The following ELAPOR2 variants were observed in gnomAD, a reference collection of about 807,000 sequenced individuals.
The protein encoded by ELAPOR2 is endosome/lysosome-associated apoptosis and autophagy regulator family member 2.
A neutral mutation model predicts 120.7 loss-of-function variants in ELAPOR2; 89 were observed. The observed-to-expected ratio is 0.74, with a 90% confidence interval of 0.62 to 0.88. ELAPOR2 has a LOEUF of 0.88. ELAPOR2 is among the 40% of genes least tolerant of loss of function. The pLI is 0.00. For missense variants in ELAPOR2, 1,134 were observed against 1,251.6 expected (o/e 0.91, Z 1.42); for synonymous variants, 444 against 444.9 (o/e 1.00, Z 0.03).
At chr7:87,050,603 CT>C (rs1426341215) in intron 1 of ELAPOR2, among the ~76,000 whole-genome samples, 1 of 152,154 alleles carries the variant, frequency 6.6e-6, no homozygotes, top group Non-Finnish European at 1.5e-5. Context: ...ATCTCAGGTA[CT>C]TTTTTTACAG....
intron 2 of ELAPOR2, among the ~76,000 whole-genome samples, chr7:86,953,076 A>G (rs574993975): frequency 1.5e-4 from 22 of 150,950 alleles, no homozygotes; most frequent in African/African-American, 5.4e-4. Flanking sequence ...AGCCTGGGCA[A>G]CAGAGCAAGC....
chr7:86,985,832 A>G (rs991950185), intron 1 of ELAPOR2, among the ~76,000 whole-genome samples: 18 of 148,742 alleles, frequency 1.2e-4, no homozygotes, highest in African/African-American at 3.2e-4. Flanking sequence ...CCCACCCCAC[A>G]ACAGGCCCCA....
intron 2 of ELAPOR2, among the ~76,000 whole-genome samples, chr7:86,949,514 GC>G (rs1368136262): frequency 2.0e-5 from 3 of 152,136 alleles, no homozygotes; most frequent in African/African-American, 7.2e-5. Context: ...GCTCTTGGGG[GC>G]CAGGAGCAGG....
At chr7:87,014,114 C>T (rs1021250707) in intron 1 of ELAPOR2, among the ~76,000 whole-genome samples, 3 of 145,714 alleles carry the variant, frequency 2.1e-5, no homozygotes, top group Non-Finnish European at 4.5e-5. Flanking sequence ...CTTTGATGTT[C>T]CTTACAGAGA....
intron 8 of ELAPOR2, among the ~76,000 whole-genome samples, chr7:86,930,556 G>T (rs1397951452): frequency 1.3e-5 from 2 of 151,862 alleles, no homozygotes; most frequent in South Asian, 4.1e-4. Flanking sequence ...AACACTGAAG[G>T]TCATTAAAAG....
Position 86,918,493 on chromosome 7 carries a change from T to C in ELAPOR2, c.1542A>G (p.Thr514=), listed in dbSNP as rs1195621149. Residue 514 remains threonine (T), a synonymous_variant, in exon 12 of 22, where the codon ACA becomes ACG. Coordinates refer to ENST00000450689, the MANE Select transcript of ELAPOR2 (RefSeq NM_001142749.3). ...GATGSELGRI[T]FVFETLCSAD... is the part of the protein sequence containing the mutation. Reference sequence around the variant, plus strand: ...CTGAACAGAGGGTCTCAAAGACAAATGTTATTCTTCCTAGTTCAGAACCCG... The same window carrying C: ...CTGAACAGAGGGTCTCAAAGACAAACGTTATTCTTCCTAGTTCAGAACCCG... 1.9e-6 allele frequency: 3 copies of C among 1,613,286 alleles called. No individual in the cohort carries two copies. Among genetic ancestry groups the C allele is most frequent in the African/African-American group, 2.7e-5 (2 of 74,836 alleles).
chr7:86,917,491 C>T (rs1043746158), intron 12 of ELAPOR2, among the ~76,000 whole-genome samples: 1 of 152,114 alleles, frequency 6.6e-6, no homozygotes, highest in African/African-American at 2.4e-5. Context: ...TAGGAGACTA[C>T]TGAATAATCC....
intron 12 of ELAPOR2, among the ~76,000 whole-genome samples, chr7:86,916,872 G>A (rs749820317): frequency 2.0e-5 from 3 of 151,886 alleles, no homozygotes; most frequent in Non-Finnish European, 4.4e-5. Flanking sequence ...GCAGTGTAGT[G>A]GCATGATCAT....
At chr7:86,989,443 C>T (rs1009767822) in intron 1 of ELAPOR2, among the ~76,000 whole-genome samples, 47 of 152,102 alleles carry the variant, frequency 3.1e-4, no homozygotes, top group Admixed American at 2.8e-3. Flanking sequence ...GAATTGTAAA[C>T]GTAAACAAGT....
chr7:86,998,347 A>G (rs535150883), intron 1 of ELAPOR2, among the ~76,000 whole-genome samples: 2 of 152,304 alleles, frequency 1.3e-5, no homozygotes, highest in South Asian at 4.2e-4. Flanking sequence ...GCAAGTCTTA[A>G]AAAATGGTGA....
rs778483588 is a variant in ELAPOR2 at position 86,878,399 on chromosome 7, AAT to A, written c.*2070_*2071del. 1.1e-4 allele frequency: 17 copies of A among 152,248 alleles called. No individual in the cohort carries two copies. The highest frequency in any genetic ancestry group is 2.4e-4 in the Non-Finnish European group (16 of 68,040). 9.4% of individuals were successfully genotyped at this position (152,248 alleles called of 1,614,324 possible). On this transcript the variant is annotated 3_prime_UTR_variant, in exon 22 of 22. Coordinates refer to ENST00000450689, the MANE Select transcript of ELAPOR2 (RefSeq NM_001142749.3). The stretch of plus-strand genomic sequence containing the variant: ...ATTTAATATCTAAAATTAGAAATAA[AAT>A]AAATTCTCCAATATCAACTACATTT...
intron 21 of ELAPOR2, among the ~76,000 whole-genome samples, chr7:86,890,109 G>A (rs1788073854): frequency 6.6e-6 from 1 of 151,914 alleles, no homozygotes; most frequent in Non-Finnish European, 1.5e-5. Context: ...GAAATAAAGG[G>A]AAAATTCATC....
intron 1 of ELAPOR2, among the ~76,000 whole-genome samples, chr7:87,030,430 C>T (rs1286473190): frequency 4.0e-5 from 6 of 151,610 alleles, no homozygotes; most frequent in Non-Finnish European, 8.8e-5. Context: ...CATCAGCTCC[C>T]ACCAAAAGAA....
intron 1 of ELAPOR2, among the ~76,000 whole-genome samples, chr7:86,986,596 A>G (rs893704139): frequency 8.0e-5 from 12 of 150,116 alleles, no homozygotes; most frequent in African/African-American, 2.7e-4. Flanking sequence ...CCCATTCACA[A>G]TTGCTTCAAA....
At chr7:86,900,601 C>T (rs951371179) in intron 18 of ELAPOR2, among the ~76,000 whole-genome samples, 1 of 152,138 alleles carries the variant, frequency 6.6e-6, no homozygotes, top group Non-Finnish European at 1.5e-5. Context: ...CACTATAGTG[C>T]CTTTCCTTGG....
chr7:86,913,336 A>G, intron 13 of ELAPOR2, 132 bp from the exon 14 acceptor site: 2 of 827,174 alleles, frequency 2.4e-6, no homozygotes, highest in Non-Finnish European at 3.7e-6. Flanking sequence ...TTGACAATAG[A>G]TTAATATCAC....
At chr7:86,903,135 G>A (rs1053669896) in intron 18 of ELAPOR2, among the ~76,000 whole-genome samples, 5 of 151,978 alleles carry the variant, frequency 3.3e-5, no homozygotes, top group African/African-American at 1.2e-4. Flanking sequence ...CTTGTTTAAT[G>A]AAATAAAATA....
intron 12 of ELAPOR2, among the ~76,000 whole-genome samples, chr7:86,915,177 A>T (rs1789511581): frequency 6.6e-6 from 1 of 151,914 alleles, no homozygotes. Flanking sequence ...CTGGCTTGGG[A>T]TATATACTTA....
chr7:86,993,173 T>C (rs1377784843), intron 1 of ELAPOR2, among the ~76,000 whole-genome samples: 1 of 143,642 alleles, frequency 7.0e-6, no homozygotes, highest in East Asian at 2.0e-4. Context: ...GAGGCGAAGG[T>C]TGCAGTGAGC....
Sources: gnomAD v4.1 joint callset for allele counts (sites outside exome capture counted in the v4.1 genomes callset) on GRCh38, gnomAD v4.1.1 for gene constraint, MANE v1.5 for transcripts, NCBI Gene and HGNC (gene_info 2026-07-23, HGNC 2026-07-21) for gene names.